Variants in SESN1 observed in about 807,000 individuals in gnomAD.
The protein encoded by SESN1 is sestrin 1, also known as sestrin-1.
SESN1 carries 30 observed loss-of-function variants against 59.3 expected under a neutral mutation model. The ratio of observed to expected loss-of-function variants is 0.51; its 90% CI spans 0.38 to 0.69. SESN1 has a LOEUF of 0.69. Ranked by LOEUF, SESN1 falls within the 30% of genes least tolerant of loss-of-function variation. The pLI, the probability that SESN1 is intolerant of heterozygous loss-of-function variation, is 0.00. For synonymous variants in SESN1, 197 were observed against 219.9 expected, an observed-to-expected ratio of 0.90 and a Z score of 0.92; for missense variants, 566 against 673.0, an observed-to-expected ratio of 0.84 and a Z score of 1.76.
intron 1 of SESN1, among the ~76,000 whole-genome samples, chr6:109,037,809 C>T (rs1477311359): frequency 6.6e-6 from 1 of 151,740 alleles, no homozygotes; most frequent in Non-Finnish European, 1.5e-5. Flanking sequence ...GGCATAGAAA[C>T]TTGTCACCCA....
Position 108,994,542 on chromosome 6 carries a change from T to G in SESN1, c.1040A>C (p.Asp347Ala). The change falls in exon 6 of 10, where the codon GAT (aspartate) becomes GCT (alanine). Residue 347 changes from aspartate (D) to alanine (A), a missense_variant. Transcript: ENST00000436639. ...EKMRQLQECR[D>A]EEEASQEEMA... ...CTCTTCCTGACTTGCCTCTTCTTCA[T>G]CTCGACATTCCTGTAACTGCCTCAT... 1 of 1,613,736 alleles carries G rather than the reference T, an allele frequency of 6.2e-7. No individual in the cohort carries two copies. Among genetic ancestry groups the G allele is most frequent in the Non-Finnish European group, 8.5e-7 (1 of 1,179,820 alleles).
chr6:109,009,292 G>A (rs1278546980), intron 1 of SESN1: 23 of 1,382,286 alleles, frequency 1.7e-5, no homozygotes, highest in Non-Finnish European at 2.2e-5. Context: ...GTGTTGCACA[G>A]GGCAGCTCGG....
intron 1 of SESN1, among the ~76,000 whole-genome samples, chr6:109,022,086 AC>A (rs750636575): frequency 6.6e-6 from 1 of 151,942 alleles, no homozygotes; most frequent in South Asian, 2.1e-4. Context: ...TTTTTTGAGA[AC>A]AACATCCATA....
At chr6:109,044,758 T>TC (rs1438788214) in intron 1 of SESN1, among the ~76,000 whole-genome samples, 1 of 152,018 alleles carries the variant, frequency 6.6e-6, no homozygotes, top group Non-Finnish European at 1.5e-5. Flanking sequence ...GCGCAGTGGC[T>TC]CACGCCTGTA....
intron 3 of SESN1, among the ~76,000 whole-genome samples, 171 bp downstream of exon 3, chr6:109,001,117 T>C (rs1779611834): frequency 6.6e-6 from 1 of 152,198 alleles, no homozygotes; most frequent in Non-Finnish European, 1.5e-5. Context: ...TCTTTTTCTG[T>C]TATACTTGAG....
At chr6:109,058,055 ACCTTT>A (rs1283413243) in intron 1 of SESN1, among the ~76,000 whole-genome samples, 3 of 151,540 alleles carry the variant, frequency 2.0e-5, no homozygotes, top group East Asian at 1.9e-4. Context: ...TTTTTACTAT[ACCTTT>A]CCTATGTTTA....
Position 109,094,337 on chromosome 6 carries a change from G to C in SESN1, c.-264C>G. 2.1e-6 allele frequency: 1 copy of C among 469,172 alleles called. No homozygotes were observed. Among genetic ancestry groups the C allele is most frequent in the Non-Finnish European group, 3.8e-6 (1 of 262,562 alleles). The allele number at this position is 469,172 out of a possible 1,614,324, so 29.1% of individuals were successfully genotyped here. A position where few individuals can be genotyped will look rare whatever the true frequency, so the allele number is the denominator to read the frequency against. On this transcript the variant is annotated 5_prime_UTR_variant, in exon 1 of 10. Transcript: ENST00000436639. ...TGAAAGTTGCAACCTTGCAGCGCTG[G>C]CTTTGGTGGGCAGAGAATTTCGGGG...
intron 1 of SESN1, chr6:109,009,546 C>G: frequency 3.9e-6 from 4 of 1,030,704 alleles, no homozygotes; most frequent in Non-Finnish European, 4.5e-6. Context: ...CCTCAGTCAG[C>G]ACGGACGGCG....
intron 1 of SESN1, among the ~76,000 whole-genome samples, chr6:109,070,528 G>C (rs935895357): frequency 6.6e-6 from 1 of 152,156 alleles, no homozygotes; most frequent in African/African-American, 2.4e-5. Flanking sequence ...GAACAGCATA[G>C]ACAGGCCACC....
chr6:109,064,633 G>A (rs1410251784), intron 1 of SESN1, among the ~76,000 whole-genome samples: 9 of 17,352 alleles, frequency 5.2e-4, no homozygotes, highest in African/African-American at 2.2e-3. Context: ...GGGAGGGGAG[G>A]GGAGAGGAGA....
At chr6:108,994,904 C>T (rs768435847) in intron 5 of SESN1, among the ~76,000 whole-genome samples, 3 of 151,884 alleles carry the variant, frequency 2.0e-5, no homozygotes, top group African/African-American at 7.3e-5. Context: ...GGGGTTTCAC[C>T]GTGTTAGCCA....
chr6:109,057,606 T>G (rs116258431), intron 1 of SESN1, among the ~76,000 whole-genome samples: 1 of 152,370 alleles, frequency 6.6e-6, no homozygotes, highest in African/African-American at 2.4e-5. Flanking sequence ...CATACTTCTC[T>G]TATCTTCTGG....
intron 1 of SESN1, among the ~76,000 whole-genome samples, chr6:109,024,047 T>G (rs1780049019): frequency 1.3e-5 from 2 of 152,182 alleles, no homozygotes; most frequent in South Asian, 4.1e-4. Flanking sequence ...AGATGTTGAC[T>G]ATTGATATAG....
At chr6:108,997,313 G>C (rs6651002) in intron 5 of SESN1, among the ~76,000 whole-genome samples, 29,991 of 152,112 alleles carry the variant, frequency 0.2, 3,688 homozygotes, top group African/African-American at 0.34. Flanking sequence ...GTAGCAAGGA[G>C]AAGAATCCAT....
At chr6:109,068,154 C>T (rs908988655) in intron 1 of SESN1, among the ~76,000 whole-genome samples, 10 of 152,290 alleles carry the variant, frequency 6.6e-5, no homozygotes, top group Admixed American at 6.5e-4. Flanking sequence ...CCCATCATCC[C>T]TTCTTGGTTT....
intron 1 of SESN1, among the ~76,000 whole-genome samples, chr6:109,018,754 G>A (rs1006559210): frequency 4.6e-5 from 7 of 152,110 alleles, no homozygotes; most frequent in Admixed American, 3.3e-4. Flanking sequence ...AGAATGCAAG[G>A]TGAACTATTT....
At chr6:109,090,330 A>G (rs1781290859) in intron 1 of SESN1, among the ~76,000 whole-genome samples, 1 of 152,180 alleles carries the variant, frequency 6.6e-6, no homozygotes, top group African/African-American at 2.4e-5. Flanking sequence ...TGGCCTCATA[A>G]GATTACACAC....
chr6:109,001,827 CT>C (rs1173710166), intron 2 of SESN1, among the ~76,000 whole-genome samples: 1 of 152,172 alleles, frequency 6.6e-6, no homozygotes, highest in Non-Finnish European at 1.5e-5. Context: ...AAACCGCCTA[CT>C]CTCACTCAAT....
intron 1 of SESN1, among the ~76,000 whole-genome samples, chr6:109,074,774 A>T (rs1781003866): frequency 6.6e-6 from 1 of 152,244 alleles, no homozygotes; most frequent in Non-Finnish European, 1.5e-5. Context: ...GACACAGAAG[A>T]GATTTGACTC....
Sources: gnomAD v4.1 joint callset for allele counts (sites outside exome capture counted in the v4.1 genomes callset) on GRCh38, gnomAD v4.1.1 for gene constraint, MANE v1.5 for transcripts, NCBI Gene and HGNC (gene_info 2026-07-23, HGNC 2026-07-21) for gene names.